SCRN1: variants seen among roughly 807,000 people sequenced by gnomAD.
SCRN1 encodes the protein secernin-1.
A neutral mutation model predicts 43.3 loss-of-function variants in SCRN1; 19 were observed. That is an observed-to-expected ratio of 0.44 (90% CI 0.31 to 0.64). The LOEUF (loss-of-function observed/expected upper bound fraction) is 0.64. Among genes scored for constraint, SCRN1 ranks in the 30% least tolerant of loss-of-function variants. SCRN1 has a pLI of 0.09. For missense variants in SCRN1, 447 were observed against 524.1 expected (o/e 0.85, Z 1.44); for synonymous variants, 183 against 188.9 (o/e 0.97, Z 0.26).
chr7:29,934,858 G>C (rs1414387060), intron 6 of SCRN1, among the ~76,000 whole-genome samples: 1 of 152,238 alleles, frequency 6.6e-6, no homozygotes, highest in Non-Finnish European at 1.5e-5. Context: ...GCTGGGGGTA[G>C]AGGAGCAATA....
intron 1 of SCRN1, among the ~76,000 whole-genome samples, chr7:29,970,927 T>C (rs924741996): frequency 5.3e-5 from 8 of 152,230 alleles, no homozygotes; most frequent in Non-Finnish European, 1.2e-4. Context: ...ATGTTGCTTG[T>C]ATATTTCTTT....
At chr7:29,988,549 C>A (rs1199933599) in intron 1 of SCRN1, 1 of 152,308 alleles carries the variant, frequency 6.6e-6, no homozygotes, top group Non-Finnish European at 1.5e-5. Flanking sequence ...GTGCTGCTTC[C>A]GCCTGGCCTA....
At chr7:29,960,797 C>G (rs1287959118) in intron 2 of SCRN1, among the ~76,000 whole-genome samples, 2 of 151,968 alleles carry the variant, frequency 1.3e-5, no homozygotes, top group Non-Finnish European at 2.9e-5. Context: ...AGAGGGAGGG[C>G]AGGATTTGGG....
At position 29,974,685 on chromosome 7, in the gene SCRN1, C is replaced by CTTTTTT. The variant is rs1183202361; in HGVS notation, c.-1-5623_-1-5618dup. 3.0e-4 allele frequency among the ~76,000 whole-genome samples: 40 copies of CTTTTTT among 134,186 alleles called. No homozygotes were observed. In the East Asian group the frequency reaches 6.9e-3, roughly 23 times the overall value. The allele number at this position is 134,186 out of a possible 152,430, so 88.0% of individuals were successfully genotyped here. ...TGTTTACACGATTCTTTCTTTCTTT[C>CTTTTTT]TTTTTTTTTTTTTTTTGAGATGGAG... is the stretch of plus-strand genomic sequence containing the variant. On this transcript the variant is annotated intron_variant, in intron 1 of 7. Coordinates refer to ENST00000242059, the MANE Select transcript of SCRN1 (RefSeq NM_014766.5).
At chr7:29,924,297 C>T (rs778917834) in intron 7 of SCRN1, among the ~76,000 whole-genome samples, 182 bp from the exon 8 acceptor site, 7 of 152,168 alleles carry the variant, frequency 4.6e-5, no homozygotes, top group Non-Finnish European at 7.3e-5. Context: ...TGTCACTGCC[C>T]GGCTTAGAAC....
chr7:29,926,419 G>A lies in SCRN1; in HGVS notation c.1086+33C>T, dbSNP rs192462104. 1,179 of 1,601,046 alleles carry A rather than the reference G, an allele frequency of 7.4e-4. 7 individuals carry two copies. In the African/African-American group the frequency reaches 0.015, roughly 20 times the overall value. Reference sequence around the variant, plus strand: ...TCGCTGACCTCGCCCGCCCGCCTCCGCCTCCGCCTCTGTGGCCCTCATGCA... The same window carrying A: ...TCGCTGACCTCGCCCGCCCGCCTCCACCTCCGCCTCTGTGGCCCTCATGCA... On this transcript the variant is annotated intron_variant, in intron 7 of 7. Coordinates refer to ENST00000242059, the MANE Select transcript of SCRN1 (RefSeq NM_014766.5).
chr7:29,935,881 A>T (rs775482680), intron 6 of SCRN1, among the ~76,000 whole-genome samples: 1 of 152,250 alleles, frequency 6.6e-6, no homozygotes, highest in African/African-American at 2.4e-5. Flanking sequence ...TATTATCCCC[A>T]TTGTACAAAC....
intron 2 of SCRN1, among the ~76,000 whole-genome samples, chr7:29,957,668 G>C (rs766608221): frequency 1.3e-5 from 2 of 152,172 alleles, no homozygotes; most frequent in African/African-American, 4.8e-5. Context: ...AGCTCTAAGG[G>C]AGCACAGAAG....
chr7:29,947,063 C>A, intron 3 of SCRN1: 1 of 1,074,044 alleles, frequency 9.3e-7, no homozygotes, highest in Non-Finnish European at 1.3e-6. Flanking sequence ...GGCTGCTACC[C>A]CTCTGCCTGG....
At position 29,950,520 on chromosome 7, in the gene SCRN1, G is replaced by A. The variant is rs931211431; in HGVS notation, c.341+4659C>T. Reference sequence around the variant, plus strand: ...CCCCACCTTCAAGCCAGGAATGGCCGGAAGCCCGGAGGCTGGTCTGCTAGT... The same window carrying A: ...CCCCACCTTCAAGCCAGGAATGGCCAGAAGCCCGGAGGCTGGTCTGCTAGT... On this transcript the variant is annotated intron_variant, in intron 3 of 7. Transcript: ENST00000242059. This position sits in a 1 kb window ranked among gnomAD's most constrained non-coding sequence, Gnocchi z 4.5. Among the ~76,000 whole-genome samples, 23 of 152,366 alleles carry A rather than the reference G, an allele frequency of 1.5e-4. No homozygotes were observed. Among genetic ancestry groups the A allele is most frequent in the African/African-American group, 4.6e-4 (19 of 41,586 alleles).
rs149757924 is a variant in SCRN1 at position 29,931,906 on chromosome 7, G to A, written c.905+4650C>T. 1.8e-4 allele frequency among the ~76,000 whole-genome samples: 27 copies of A among 152,268 alleles called. 1 individual carries two copies. In the East Asian group the frequency reaches 5.2e-3, roughly 29 times the overall value. On this transcript the variant is annotated intron_variant, in intron 6 of 7. Coordinates refer to ENST00000242059, the MANE Select transcript of SCRN1 (RefSeq NM_014766.5). ...TCTATGTTTATTCCAGCTTTACTGT[G>A]AGCCACTTTAATCATAGAGTCAAAG... is the stretch of plus-strand genomic sequence containing the variant.
At position 29,944,131 on chromosome 7, in the gene SCRN1, A is replaced by G. The variant is rs1401618849; in HGVS notation, c.390T>C (p.Ile130=). The G allele has an allele frequency of 6.2e-7, 1 of 1,614,250 alleles. No homozygotes were observed. Among genetic ancestry groups the G allele is most frequent in the Admixed American group, 1.7e-5 (1 of 60,030 alleles). Residue 130 remains isoleucine, a synonymous_variant, in exon 4 of 8, where the codon ATT becomes ATC. Coordinates refer to ENST00000242059, the MANE Select transcript of SCRN1 (RefSeq NM_014766.5). The part of the protein sequence containing the change: ...GETAKEALDV[I]VSLLEEHGQG... ...GTCCATGTTCTTCCAACAAGGAGAC[A>G]ATGACATCTAAGGCTTCTTTAGCTG...
intron 4 of SCRN1, among the ~76,000 whole-genome samples, chr7:29,941,659 G>C (rs375323930): frequency 5.8e-4 from 89 of 152,258 alleles, no homozygotes; most frequent in South Asian, 3.7e-3. Context: ...AATAAATCTA[G>C]AATTAGAAAT....
intron 1 of SCRN1, among the ~76,000 whole-genome samples, chr7:29,986,818 G>A (rs925829857): frequency 6.8e-6 from 1 of 147,020 alleles, no homozygotes. Flanking sequence ...TCCGCCTCCC[G>A]GGTTCAAGCG....
Position 29,923,692 on chromosome 7 carries a change from T to C in SCRN1, c.*265A>G, listed in dbSNP as rs1402100781. 6 of 357,384 alleles carry C rather than the reference T, an allele frequency of 1.7e-5. No individual in the cohort carries two copies. The Admixed American group carries it at 1.8e-4, about 11-fold the overall frequency. The allele number at this position is 357,384 out of a possible 1,614,324, so 22.1% of individuals were successfully genotyped here. A position where few individuals can be genotyped will look rare whatever the true frequency, so the allele number is the denominator to read the frequency against. On this transcript the variant is annotated 3_prime_UTR_variant, in exon 8 of 8. Coordinates refer to ENST00000242059, the MANE Select transcript of SCRN1 (RefSeq NM_014766.5). Reference sequence around the variant, plus strand: ...GTCCATTGCCACTGAAATACAATAATAGCAGCTTAAAATCCACAATTAGTC... The same window carrying C: ...GTCCATTGCCACTGAAATACAATAACAGCAGCTTAAAATCCACAATTAGTC...
rs370348356 is a variant in SCRN1 at position 29,976,147 on chromosome 7, G to A, written c.-1-7079C>T. 5.6e-4 allele frequency among the ~76,000 whole-genome samples: 86 copies of A among 152,250 alleles called. 1 individual carries two copies. Among genetic ancestry groups the A allele is most frequent in the African/African-American group, 1.9e-3 (77 of 41,550 alleles). On this transcript the variant is annotated intron_variant, in intron 1 of 7. Transcript: ENST00000242059. Reference sequence around the variant, plus strand: ...AATCAGCTCTCAGTGCGAGCCACCAGTTTTCCTTCAGACCAACGCTGTCCA... The same window carrying A: ...AATCAGCTCTCAGTGCGAGCCACCAATTTTCCTTCAGACCAACGCTGTCCA...
At chr7:29,970,628 C>T (rs879641260) in intron 1 of SCRN1, among the ~76,000 whole-genome samples, 9 of 152,264 alleles carry the variant, frequency 5.9e-5, no homozygotes, top group Non-Finnish European at 1.0e-4. Flanking sequence ...CTGCTGTAAC[C>T]GCAGCCGTAC....
chr7:29,962,193 ATAAT>A (rs1242577188), intron 2 of SCRN1, among the ~76,000 whole-genome samples: 1 of 148,102 alleles, frequency 6.8e-6, no homozygotes, highest in Admixed American at 6.8e-5. Context: ...TTATTTACAT[ATAAT>A]TAAATTATAC....
Position 29,965,886 on chromosome 7 carries a change from A to T in SCRN1, c.159+3023T>A, listed in dbSNP as rs1441052967. Among the ~76,000 whole-genome samples, 1 of 152,034 alleles carries T rather than the reference A, an allele frequency of 6.6e-6. No homozygotes were observed. Among genetic ancestry groups the T allele is most frequent in the Non-Finnish European group, 1.5e-5 (1 of 68,010 alleles). ...GCCTATCCTCCAAAAAAGAAAACAA[A>T]TTTTTTTGAAATATTTATTTCAGAC... On this transcript the variant is annotated intron_variant, in intron 2 of 7. Coordinates refer to ENST00000242059, the MANE Select transcript of SCRN1 (RefSeq NM_014766.5). The surrounding 1 kb of genome is among the most constrained non-coding windows in gnomAD (Gnocchi z 4.2).
Sources: allele counts gnomAD v4.1 joint callset (sites outside exome capture counted in the v4.1 genomes callset), GRCh38; gene constraint gnomAD v4.1.1; non-coding constraint Gnocchi (gnomAD v3.1); transcripts MANE v1.5; gene names NCBI Gene and HGNC (gene_info 2026-07-23, HGNC 2026-07-21).